CFAP47: variants seen among roughly 807,000 people sequenced by gnomAD.
CFAP47 encodes the protein cilia and flagella associated protein 47.
CFAP47 carries 29 observed loss-of-function variants against 148.1 expected under a neutral mutation model. The ratio of observed to expected loss-of-function variants is 0.20; its 90% CI spans 0.15 to 0.27. The LOEUF is 0.27. CFAP47 is among the 10% of genes least tolerant of loss of function. CFAP47 has a pLI of 1.00. For synonymous variants in CFAP47, 664 were observed against 577.3 expected, an observed-to-expected ratio of 1.15 and a Z score of -2.15; for missense variants, 1,872 against 1,697.5, an observed-to-expected ratio of 1.10 and a Z score of -1.81.
intron 33 of CFAP47, among the ~76,000 whole-genome samples, chrX:36,118,475 T>A (rs964450252): frequency 2.7e-5 from 3 of 110,902 alleles, no homozygotes; most frequent in African/African-American, 9.9e-5. Flanking sequence ...TTAATTTATT[T>A]ATTTATTTTT....
In CFAP47 at chrX:36,049,377, A is replaced by G. The variant is rs777888457; in HGVS notation, c.4217+2314A>G. 1.6e-4 allele frequency among the ~76,000 whole-genome samples: 18 copies of G among 110,077 alleles called. No homozygotes were observed. The South Asian group carries it at 5.1e-3, about 31-fold the overall frequency. On this transcript the variant is annotated intron_variant, in intron 26 of 63. Coordinates refer to ENST00000378653, the MANE Select transcript of CFAP47 (RefSeq NM_001304548.2). ...TATAAATAATTATATAGAAATTTTT[A>G]TAATAAGCATATGTTTTCGAGGGTT...
intron 49 of CFAP47, among the ~76,000 whole-genome samples, chrX:36,253,516 C>A (rs1222882807): frequency 1.8e-5 from 2 of 111,496 alleles, no homozygotes; most frequent in Admixed American, 9.6e-5. Context: ...TGAGAATTTT[C>A]CTGCTTTTGC....
At chrX:36,114,570 A>C (rs1938608102) in intron 33 of CFAP47, among the ~76,000 whole-genome samples, 1 of 111,079 alleles carries the variant, frequency 9.0e-6, no homozygotes, top group African/African-American at 3.3e-5. Context: ...ATTGTGGTAT[A>C]AGGTGGATTC....
At chrX:35,928,883 C>T (rs1226356207) in intron 2 of CFAP47, among the ~76,000 whole-genome samples, 2 of 110,761 alleles carry the variant, frequency 1.8e-5, no homozygotes, top group Admixed American at 9.6e-5. Context: ...TGTTCAATTG[C>T]TCTGACCAAA....
intron 39 of CFAP47, among the ~76,000 whole-genome samples, chrX:36,163,278 A>G (rs2146851554): frequency 9.0e-6 from 1 of 111,662 alleles, no homozygotes; most frequent in South Asian, 3.7e-4. Context: ...TAGTAATTTA[A>G]TTCGTTTATA....
At chrX:35,940,808 T>A (rs5973550) in intron 2 of CFAP47, among the ~76,000 whole-genome samples, 31,748 of 110,586 alleles carry the variant, frequency 0.29, 5,238 homozygotes, top group African/African-American at 0.63. Flanking sequence ...TAACCTTATA[T>A]GGTTTGTATA....
intron 42 of CFAP47, among the ~76,000 whole-genome samples, chrX:36,192,368 C>T (rs1378297271): frequency 1.8e-5 from 2 of 110,922 alleles, no homozygotes; most frequent in Non-Finnish European, 3.8e-5. Flanking sequence ...TGAATTGTAC[C>T]TTTTAGGAGG....
chrX:36,172,562 G>T, intron 39 of CFAP47, among the ~76,000 whole-genome samples: 1 of 110,393 alleles, frequency 9.1e-6, no homozygotes, highest in South Asian at 4.0e-4. Flanking sequence ...ATAATCATGT[G>T]GTTTTTGTCT....
chrX:36,248,385 ATAT>A (rs1414540597), intron 48 of CFAP47, among the ~76,000 whole-genome samples: 1 of 104,848 alleles, frequency 9.5e-6, no homozygotes, highest in Non-Finnish European at 1.9e-5. Flanking sequence ...ATATTATAAC[ATAT>A]TATATATTAT....
intron 22 of CFAP47, among the ~76,000 whole-genome samples, chrX:36,027,556 G>A (rs868382742): frequency 6.3e-5 from 7 of 110,780 alleles, no homozygotes; most frequent in Middle Eastern, 4.6e-3. Flanking sequence ...CATGGTGTGC[G>A]TGTATGTGTG....
At chrX:36,003,191 C>T (rs941914059) in intron 21 of CFAP47, among the ~76,000 whole-genome samples, 3 of 108,644 alleles carry the variant, frequency 2.8e-5, no homozygotes, top group African/African-American at 6.7e-5. Flanking sequence ...CTTTGATGGT[C>T]ACGTTTTTGT....
chrX:35,960,381 A>G (rs866170259), intron 8 of CFAP47, among the ~76,000 whole-genome samples: 31 of 63,575 alleles, frequency 4.9e-4, no homozygotes, highest in East Asian at 1.8e-3. Flanking sequence ...CTAATTTCTG[A>G]AAAAAAAAAA....
chrX:36,026,393 T>C (rs1270698678), intron 22 of CFAP47, among the ~76,000 whole-genome samples: 1 of 111,632 alleles, frequency 9.0e-6, no homozygotes, highest in Non-Finnish European at 1.9e-5. Flanking sequence ...AATTAACATA[T>C]CCGTCATATC....
intron 33 of CFAP47, among the ~76,000 whole-genome samples, chrX:36,123,204 C>A (rs915976880): frequency 5.3e-5 from 6 of 112,478 alleles, no homozygotes; most frequent in African/African-American, 9.7e-5. Flanking sequence ...TGTAGTGACA[C>A]AGACACCTCT....
intron 60 of CFAP47, among the ~76,000 whole-genome samples, chrX:36,357,725 A>T (rs1556018651): frequency 9.0e-6 from 1 of 111,251 alleles, no homozygotes; most frequent in African/African-American, 3.3e-5. Context: ...GATTTCTCCT[A>T]TAAGTGTATT....
In CFAP47 at chrX:36,040,963, T is replaced by G. The variant is rs910435812; in HGVS notation, c.4007+1784T>G. On this transcript the variant is annotated intron_variant, in intron 25 of 63. Coordinates refer to ENST00000378653, the MANE Select transcript of CFAP47 (RefSeq NM_001304548.2). Reference sequence around the variant, plus strand: ...AATTTCAGTGATTGAAGAAAAAACCTTAATAAAGTACAGCAAAATTATCCA... The same window carrying G: ...AATTTCAGTGATTGAAGAAAAAACCGTAATAAAGTACAGCAAAATTATCCA... Among the ~76,000 whole-genome samples, 17 of 111,662 alleles carry G rather than the reference T, an allele frequency of 1.5e-4. 1 individual carries two copies. In the Admixed American group the frequency reaches 1.5e-3, roughly 10 times the overall value.
chrX:36,343,384 T>C (rs1181729982), intron 57 of CFAP47, among the ~76,000 whole-genome samples: 2 of 112,018 alleles, frequency 1.8e-5, no homozygotes, highest in East Asian at 5.7e-4. Flanking sequence ...CCACATGAGA[T>C]ACCATCTTAT....
chrX:36,295,390 CT>C (rs1396073253), intron 51 of CFAP47, among the ~76,000 whole-genome samples: 1 of 112,259 alleles, frequency 8.9e-6, no homozygotes, highest in Non-Finnish European at 1.9e-5. Context: ...CTGTGTACTT[CT>C]CATTTAGTAA....
intron 22 of CFAP47, among the ~76,000 whole-genome samples, chrX:36,018,339 A>G (rs1206519874): frequency 8.9e-6 from 1 of 111,802 alleles, no homozygotes; most frequent in Admixed American, 9.5e-5. Flanking sequence ...TCCAATTTGT[A>G]TGCCTTTATT....
Sources: allele counts gnomAD v4.1 joint callset (sites outside exome capture counted in the v4.1 genomes callset), GRCh38; gene constraint gnomAD v4.1.1; transcripts MANE v1.5; gene names NCBI Gene and HGNC (gene_info 2026-07-23, HGNC 2026-07-21).